SMG1: variants seen among roughly 807,000 people sequenced by gnomAD.
SMG1 encodes serine/threonine-protein kinase SMG1.
SMG1 carries 22 observed loss-of-function variants against 419.9 expected under a neutral mutation model. That is an observed-to-expected ratio of 0.05 (90% CI 0.04 to 0.07). SMG1 has a LOEUF of 0.07. Ranked by LOEUF, SMG1 falls within the 10% of genes least tolerant of loss-of-function variation. SMG1 has a pLI of 1.00. For synonymous variants in SMG1, 1,538 were observed against 1,553.5 expected (o/e 0.99, Z 0.23); for missense variants, 3,185 against 4,342.0 (o/e 0.73, Z 7.49).
chr16:18,914,126 C>T lies in SMG1; in HGVS notation c.92+11824G>A, dbSNP rs181929628. Among the ~76,000 whole-genome samples, 332 of 150,732 alleles carry T rather than the reference C, an allele frequency of 2.2e-3. 8 individuals are homozygous for T. The South Asian group carries it at 0.035, about 16-fold the overall frequency. On this transcript the variant is annotated intron_variant, in intron 1 of 62. Transcript: ENST00000446231. ...AGGTTGCGTGAGCCTAGATCGTGCC[C>T]TTGCACTCCAGCCTGGGCAACAAGA...
At chr16:18,914,592 G>A (rs1295837699) in intron 1 of SMG1, among the ~76,000 whole-genome samples, 1 of 152,108 alleles carries the variant, frequency 6.6e-6, no homozygotes, top group Non-Finnish European at 1.5e-5. Flanking sequence ...GCTGAGGTAG[G>A]AGAATCACTT....
chr16:18,865,806 G>A (rs565007365), intron 23 of SMG1, among the ~76,000 whole-genome samples: 3 of 151,822 alleles, frequency 2.0e-5, no homozygotes, highest in Non-Finnish European at 4.4e-5. Flanking sequence ...GGGATTACAC[G>A]TATGTGCCAC....
chr16:18,875,980 T>C (rs2036110110), intron 13 of SMG1, 144 bp downstream of exon 13: 1 of 818,298 alleles, frequency 1.2e-6, no homozygotes, highest in South Asian at 1.9e-5. Context: ...ACCAATTTTA[T>C]TTATCCAGGC....
At position 18,925,786 on chromosome 16, in the gene SMG1, G is replaced by A. The variant is rs537564965; in HGVS notation, c.92+164C>T. The A allele has an allele frequency of 2.6e-4, 126 of 481,718 alleles. 1 individual carries two copies. The highest frequency in any genetic ancestry group is 2.4e-3 in the African/African-American group (117 of 48,094). 29.8% of individuals were successfully genotyped at this position (481,718 alleles called of 1,614,324 possible). The stretch of plus-strand genomic sequence containing the variant: ...GGAGGCACTTAGGCCTCGCCTCCCC[G>A]CGGCCTTCCTCCCCCAGCCGGGGCG... On this transcript the variant is annotated intron_variant, in intron 1 of 62. Transcript: ENST00000446231.
chr16:18,884,904 C>T (rs2036553125), intron 8 of SMG1, 186 bp downstream of exon 8: 1 of 591,112 alleles, frequency 1.7e-6, no homozygotes, highest in South Asian at 2.0e-5. Flanking sequence ...CTTACTGTAC[C>T]CACCTACTAG....
At chr16:18,925,369 A>G (rs2038351005) in intron 1 of SMG1, 2 of 152,254 alleles carry the variant, frequency 1.3e-5, no homozygotes, top group Admixed American at 6.5e-5. Context: ...TCCATCGCCC[A>G]AGACCAGCGT....
At chr16:18,877,596 A>C (rs1474544761) in intron 11 of SMG1, 1 of 165,798 alleles carries the variant, frequency 6.0e-6, no homozygotes, top group Non-Finnish European at 1.3e-5. Flanking sequence ...AAAATTAGTT[A>C]ATAATAATAT....
In SMG1 at chr16:18,859,708, C is replaced by T; in HGVS notation, c.3806-5G>A. 1 of 1,590,318 alleles carries T rather than the reference C, an allele frequency of 6.3e-7. No individual in the cohort carries two copies. The highest frequency in any genetic ancestry group is 8.6e-7 in the Non-Finnish European group (1 of 1,169,132). Reference sequence around the variant, plus strand: ...TAGGAAGCAGTTTTTTCATGTCTACCAAAGTTAAATAAAACGTCATTAAGT... The same window carrying T: ...TAGGAAGCAGTTTTTTCATGTCTACTAAAGTTAAATAAAACGTCATTAAGT... On this transcript the variant is annotated splice_polypyrimidine_tract_variant and splice_region_variant and intron_variant, in intron 26 of 62. Transcript: ENST00000446231.
rs774281128 is a variant in SMG1, at chr16:18,876,156, T to C, written c.1858A>G (p.Thr620Ala). ...AGTGAGTTTTTGGCATTTCCAATTG[T>C]AGTCAGGGCACTGAGGTCAAATATA... ...VVIFDLSALT[T>A]IGNAKNSLIG... is the part of the protein sequence containing the mutation. The change falls in exon 13 of 63, where the codon ACA becomes GCA. Residue 620 changes from threonine (T) to alanine (A), a missense_variant. Around this residue, in one of 27 missense-constraint regions of SMG1, gnomAD observed 297 missense variants for 491.0 expected, o/e 0.60. Transcript: ENST00000446231. 1 of 1,611,830 alleles carries C rather than the reference T, an allele frequency of 6.2e-7. No homozygotes were observed. Among genetic ancestry groups the C allele is most frequent in the Non-Finnish European group, 8.5e-7 (1 of 1,179,706 alleles).
intron 56 of SMG1, among the ~76,000 whole-genome samples, chr16:18,818,113 T>C (rs1345827816): frequency 6.6e-6 from 1 of 151,114 alleles, no homozygotes; most frequent in African/African-American, 2.4e-5. Flanking sequence ...CCAGGTGTGG[T>C]GGCTCACACC....
chr16:18,924,675 G>C (rs571362052), intron 1 of SMG1, among the ~76,000 whole-genome samples: 1 of 151,034 alleles, frequency 6.6e-6, no homozygotes, highest in Non-Finnish European at 1.5e-5. Context: ...TTTTTTTTAC[G>C]ACTAAACATC....
chr16:18,852,509 T>C (rs1450419669), intron 31 of SMG1, 47 bp from the exon 32 acceptor site: 2 of 1,391,174 alleles, frequency 1.4e-6, no homozygotes, highest in South Asian at 1.7e-5. Flanking sequence ...AACTCAACAA[T>C]GTTACATTCA....
intron 1 of SMG1, among the ~76,000 whole-genome samples, chr16:18,898,452 T>C (rs1168177352): frequency 6.6e-6 from 1 of 152,204 alleles, no homozygotes; most frequent in Admixed American, 6.5e-5. Flanking sequence ...ATACTAAGTC[T>C]ATAAGCATTA....
chr16:18,806,571 CAAGCT>C lies in SMG1; in HGVS notation c.*2993_*2997del, dbSNP rs1334113472. On this transcript the variant is annotated 3_prime_UTR_variant, in exon 63 of 63. Transcript: ENST00000446231. ...CAACAGTAAAAGAGAAATAACTACACAAGCTAAGCTCTGTAGAGAAATCAACTAAA... is the reference window on the plus strand; with the variant it reads ...CAACAGTAAAAGAGAAATAACTACACAAGCTCTGTAGAGAAATCAACTAAA... 1 of 152,198 alleles carries C rather than the reference CAAGCT, an allele frequency of 6.6e-6. No homozygotes were observed. Among genetic ancestry groups the C allele is most frequent in the Non-Finnish European group, 1.5e-5 (1 of 68,026 alleles). 9.4% of individuals were successfully genotyped at this position (152,198 alleles called of 1,614,324 possible).
chr16:18,850,307 T>A lies in SMG1; in HGVS notation c.5213A>T (p.Asp1738Val). Reference protein sequence around the residue: ...GVIKVWRKVVDRIFSLYKLSC... With the variant: ...GVIKVWRKVVVRIFSLYKLSC... ...GAGTTTGTACAGGCTGAATATTCTA[T>A]CTACAACTTTCCTCCACACTTTAAT... The change falls in exon 34 of 63, where the codon GAT (aspartate) becomes GTT (valine). Residue 1738 changes from aspartate to valine, a missense_variant. Around this residue, in one of 27 missense-constraint regions of SMG1, gnomAD observed 493 missense variants for 552.9 expected, o/e 0.89. Coordinates refer to ENST00000446231, the MANE Select transcript of SMG1 (RefSeq NM_015092.5). 1 of 1,613,906 alleles carries A rather than the reference T, an allele frequency of 6.2e-7. No homozygotes were observed. Among genetic ancestry groups the A allele is most frequent in the Admixed American group, 1.7e-5 (1 of 60,012 alleles).
intron 1 of SMG1, among the ~76,000 whole-genome samples, chr16:18,899,159 C>A (rs1217106285): frequency 6.6e-6 from 1 of 152,078 alleles, no homozygotes; most frequent in Non-Finnish European, 1.5e-5. Context: ...CAAGTTTTTA[C>A]AGTCAATATA....
intron 1 of SMG1, among the ~76,000 whole-genome samples, chr16:18,909,329 C>A (rs1008242188): frequency 6.6e-6 from 1 of 151,342 alleles, no homozygotes. Flanking sequence ...GCAACAAGAG[C>A]GAAACTCCAT....
chr16:18,867,316 T>C (rs1387772818), intron 22 of SMG1, among the ~76,000 whole-genome samples: 1 of 152,020 alleles, frequency 6.6e-6, no homozygotes, highest in Non-Finnish European at 1.5e-5. Context: ...GGCAGATCAC[T>C]TGTGGTCAGG....
intron 56 of SMG1, among the ~76,000 whole-genome samples, chr16:18,819,009 G>A (rs550436053): frequency 7.2e-5 from 11 of 152,096 alleles, no homozygotes; most frequent in African/African-American, 2.7e-4. Flanking sequence ...AGCAGAGACG[G>A]GGTTTCACCA....
Sources: gnomAD v4.1 joint callset for allele counts (sites outside exome capture counted in the v4.1 genomes callset) on GRCh38, gnomAD v4.1.1 for gene constraint, gnomAD v4.1.1 regional missense constraint, MANE v1.5 for transcripts, NCBI Gene and HGNC (gene_info 2026-07-23, HGNC 2026-07-21) for gene names.